GABRA4: variants seen among roughly 807,000 people sequenced by gnomAD.
GABRA4 encodes gamma-aminobutyric acid receptor subunit alpha-4.
A neutral mutation model predicts 49.7 loss-of-function variants in GABRA4; 12 were observed. The ratio of observed to expected loss-of-function variants is 0.24; its 90% CI spans 0.15 to 0.39. The LOEUF is 0.39. Among genes scored for constraint, GABRA4 ranks in the 10% least tolerant of loss-of-function variants. The pLI, the probability that GABRA4 is intolerant of heterozygous loss-of-function variation, is 1.00. For synonymous variants in GABRA4, 288 were observed against 240.2 expected, an observed-to-expected ratio of 1.20 and a Z score of -1.84; for missense variants, 506 against 686.0, an observed-to-expected ratio of 0.74 and a Z score of 2.93.
chr4:46,979,482 C>A (rs1452058304), intron 2 of GABRA4, among the ~76,000 whole-genome samples: 1 of 152,028 alleles, frequency 6.6e-6, no homozygotes, highest in East Asian at 1.9e-4. Context: ...AGTGTGGCCA[C>A]AGCAACAAAG....
Position 46,928,559 on chromosome 4 carries a change from G to C in GABRA4, c.1331C>G (p.Thr444Ser). The change falls in exon 9 of 9, where the codon ACC becomes AGC. Residue 444 changes from threonine to serine, a missense_variant. Around this residue, in one of 5 missense-constraint regions of GABRA4, gnomAD observed 243 missense variants for 210.8 expected, o/e 1.15. Coordinates refer to ENST00000264318, the MANE Select transcript of GABRA4 (RefSeq NM_000809.4). Reference protein sequence around the residue: ...NPFSRANAAETISAARALPSA... With the variant: ...NPFSRANAAESISAARALPSA... Reference sequence around the variant, plus strand: ...TGGAAGTGCTCTTGCTGCAGATATGGTTTCAGCTGCATTTGCACGGCTGAA... The same window carrying C: ...TGGAAGTGCTCTTGCTGCAGATATGCTTTCAGCTGCATTTGCACGGCTGAA... The C allele has an allele frequency of 6.2e-7, 1 of 1,613,648 alleles. No homozygotes were observed. Among genetic ancestry groups the C allele is most frequent in the Non-Finnish European group, 8.5e-7 (1 of 1,179,708 alleles).
At position 46,926,464 on chromosome 4, in the gene GABRA4, C is replaced by A. The variant is rs186937664; in HGVS notation, c.*1761G>T. ...GCCAAGAATGATTTCTCAGATATGA[C>A]TTACAATTAATATTTGGCATTTGCA... On this transcript the variant is annotated 3_prime_UTR_variant, in exon 9 of 9. Transcript: ENST00000264318. 1 of 151,818 alleles carries A rather than the reference C, an allele frequency of 6.6e-6. No homozygotes were observed. The highest frequency in any genetic ancestry group is 2.4e-5 in the African/African-American group (1 of 41,386). The allele number at this position is 151,818 out of a possible 1,614,324, so 9.4% of individuals were successfully genotyped here.
chr4:46,939,641 A>T (rs904295187), intron 8 of GABRA4, among the ~76,000 whole-genome samples: 1 of 152,004 alleles, frequency 6.6e-6, no homozygotes, highest in African/African-American at 2.4e-5. Flanking sequence ...AGATTTTTTT[A>T]AAAACAGAAA....
At chr4:46,989,184 T>C (rs1225234077) in intron 2 of GABRA4, among the ~76,000 whole-genome samples, 1 of 152,188 alleles carries the variant, frequency 6.6e-6, no homozygotes, top group Non-Finnish European at 1.5e-5. Context: ...TGTGCAACCC[T>C]TCAATAAACG....
At chr4:46,967,759 C>T (rs1383640817) in intron 7 of GABRA4, among the ~76,000 whole-genome samples, 1 of 151,542 alleles carries the variant, frequency 6.6e-6, no homozygotes, top group Non-Finnish European at 1.5e-5. Context: ...GATGCCATTC[C>T]CTGCATTTAG....
chr4:46,966,305 A>G (rs1320329585), intron 7 of GABRA4, among the ~76,000 whole-genome samples: 4 of 151,786 alleles, frequency 2.6e-5, no homozygotes, highest in East Asian at 3.9e-4. Flanking sequence ...TGATAATAAT[A>G]GAACAATGAT....
intron 8 of GABRA4, among the ~76,000 whole-genome samples, chr4:46,938,521 T>C (rs887576509): frequency 2.0e-5 from 3 of 152,124 alleles, no homozygotes; most frequent in Non-Finnish European, 4.4e-5. Context: ...TTATAAGCCA[T>C]GTACCTCTGT....
At chr4:46,968,633 A>G (rs1464385469) in intron 7 of GABRA4, among the ~76,000 whole-genome samples, 2 of 151,662 alleles carry the variant, frequency 1.3e-5, no homozygotes, top group Non-Finnish European at 3.0e-5. Context: ...GGTTAACAAT[A>G]TTTGGCAAAT....
intron 2 of GABRA4, among the ~76,000 whole-genome samples, chr4:46,992,165 A>G (rs1383472271): frequency 1.3e-5 from 2 of 152,262 alleles, no homozygotes; most frequent in African/African-American, 2.4e-5. Flanking sequence ...AAACAGCAAC[A>G]GTGCTGTTAA....
At chr4:46,970,588 G>A (rs1722916353) in intron 7 of GABRA4, among the ~76,000 whole-genome samples, 1 of 151,242 alleles carries the variant, frequency 6.6e-6, no homozygotes, top group Non-Finnish European at 1.5e-5. Flanking sequence ...GTAAATATAT[G>A]AGCTTATAAA....
Position 46,928,429 on chromosome 4 carries a change from C to G in GABRA4, c.1461G>C (p.Lys487Asn). 6.2e-7 allele frequency: 1 copy of G among 1,613,614 alleles called. No homozygotes were observed. Among genetic ancestry groups the G allele is most frequent in the Non-Finnish European group, 8.5e-7 (1 of 1,179,674 alleles). ...HVFGSRLQRI[K>N]TTVNTIGATG... ...TAGCCCCTATGGTATTAACTGTGGT[C>G]TTTATCCTCTGCAGTCTTGATCCAA... The change falls in exon 9 of 9, where the codon AAG (lysine) becomes AAC (asparagine). Residue 487 changes from lysine (K) to asparagine (N), a missense_variant. Physicochemically the swap from Lys to Asn is moderately conservative, Grantham distance 94 (BLOSUM62 0). This residue lies in a region of GABRA4 where 243 missense variants were observed against 210.8 expected (regional missense o/e 1.15). Coordinates refer to ENST00000264318, the MANE Select transcript of GABRA4 (RefSeq NM_000809.4).
intron 8 of GABRA4, among the ~76,000 whole-genome samples, chr4:46,945,659 C>T (rs1296846645): frequency 6.6e-6 from 1 of 151,996 alleles, no homozygotes; most frequent in African/African-American, 2.4e-5. Context: ...TTAGAGAGGA[C>T]ATAGTAAAAT....
intron 6 of GABRA4, among the ~76,000 whole-genome samples, chr4:46,972,491 G>T (rs1488619488): frequency 6.6e-6 from 1 of 151,368 alleles, no homozygotes; most frequent in Non-Finnish European, 1.5e-5. Flanking sequence ...AATATATACA[G>T]CTTGATGAGT....
rs370773154 is a variant in GABRA4 at position 46,944,682 on chromosome 4, T to C, written c.1135-15927A>G. Among the ~76,000 whole-genome samples, 14 of 152,256 alleles carry C rather than the reference T, an allele frequency of 9.2e-5. No individual in the cohort carries two copies. In the East Asian group the frequency reaches 2.7e-3, roughly 29 times the overall value. ...CATCTTCTTTACCTCCCTTTTATAA[T>C]TTCCAAGATAGTATCTAAATATTTC... On this transcript the variant is annotated intron_variant, in intron 8 of 8. Transcript: ENST00000264318.
chr4:46,984,764 A>G (rs1364256260), intron 2 of GABRA4, among the ~76,000 whole-genome samples: 1 of 152,022 alleles, frequency 6.6e-6, no homozygotes, highest in Non-Finnish European at 1.5e-5. Flanking sequence ...AAGAAATACC[A>G]TTTCAAGATA....
At chr4:46,958,839 C>CA (rs921301771) in intron 8 of GABRA4, among the ~76,000 whole-genome samples, 4 of 151,892 alleles carry the variant, frequency 2.6e-5, no homozygotes, top group Non-Finnish European at 5.9e-5. Context: ...GATGATGAAT[C>CA]AAACTACCAG....
Position 46,984,526 on chromosome 4 carries a change from T to A in GABRA4, c.206-5428A>T, listed in dbSNP as rs559532441. On this transcript the variant is annotated intron_variant, in intron 2 of 8. Transcript: ENST00000264318. ...AAAGATTAGTGCCTCCCATGTCATA[T>A]AATCCATCAATCCTGGTCTACTTTG... is the stretch of plus-strand genomic sequence containing the variant. Among the ~76,000 whole-genome samples the A allele has an allele frequency of 3.3e-5, 5 of 152,206 alleles. No homozygotes were observed. In the South Asian group the frequency reaches 1.0e-3, roughly 32 times the overall value.
chr4:46,934,402 G>T (rs180990698), intron 8 of GABRA4, among the ~76,000 whole-genome samples: 1 of 152,082 alleles, frequency 6.6e-6, no homozygotes, highest in Non-Finnish European at 1.5e-5. Flanking sequence ...CGTGCTACAC[G>T]TAGAAATTTT....
At chr4:46,942,132 C>T (rs1234886778) in intron 8 of GABRA4, among the ~76,000 whole-genome samples, 1 of 152,068 alleles carries the variant, frequency 6.6e-6, no homozygotes, top group Admixed American at 6.6e-5. Context: ...TATTGAGTAC[C>T]TATTTATGTT....
Sources: allele counts gnomAD v4.1 joint callset (sites outside exome capture counted in the v4.1 genomes callset), GRCh38; gene constraint gnomAD v4.1.1; regional missense constraint gnomAD v4.1.1; transcripts MANE v1.5; gene names NCBI Gene and HGNC (gene_info 2026-07-23, HGNC 2026-07-21).